The following RNPEP variants were observed in gnomAD, a reference collection of about 807,000 sequenced individuals.
RNPEP encodes the protein aminopeptidase B.
RNPEP carries 57 observed loss-of-function variants against 70.1 expected under a neutral mutation model. The observed-to-expected ratio is 0.81, with a 90% CI of 0.66 to 1.01. The LOEUF (loss-of-function observed/expected upper bound fraction) is 1.01, where lower values mean the gene tolerates loss of function less well. RNPEP is among the 50% of genes least tolerant of loss of function. The probability of loss-of-function intolerance (pLI) is 0.00; values close to 1 mark genes in which losing one functional copy is unlikely to be tolerated. For synonymous variants in RNPEP, 335 were observed against 357.4 expected, an observed-to-expected ratio of 0.94 and a Z score of 0.71; for missense variants, 787 against 852.4, an observed-to-expected ratio of 0.92 and a Z score of 0.96.
intron 10 of RNPEP, 89 bp downstream of exon 10, chr1:202,004,585 G>A: frequency 6.7e-7 from 1 of 1,497,416 alleles, no homozygotes; most frequent in Non-Finnish European, 9.1e-7. Flanking sequence ...GGCTCATCTA[G>A]GACTCATCTG....
chr1:201,995,235 G>C (rs1018495331), intron 3 of RNPEP, among the ~76,000 whole-genome samples: 1 of 152,122 alleles, frequency 6.6e-6, no homozygotes, highest in Non-Finnish European at 1.5e-5. Flanking sequence ...CATCTACTTT[G>C]TCATATTAGT....
intron 5 of RNPEP, among the ~76,000 whole-genome samples, chr1:201,999,232 AT>A (rs1247083011): frequency 2.0e-5 from 3 of 151,516 alleles, no homozygotes; most frequent in Non-Finnish European, 2.9e-5. Flanking sequence ...AAAAAAAAAA[AT>A]CAAATCATTT....
chr1:201,985,301 G>A (rs12091788), intron 1 of RNPEP, among the ~76,000 whole-genome samples: 83,837 of 151,812 alleles, frequency 0.55, 23,492 homozygotes, highest in Non-Finnish European at 0.6. Flanking sequence ...TGGTATAGTG[G>A]CACCATCTCA....
intron 3 of RNPEP, among the ~76,000 whole-genome samples, chr1:201,993,990 G>A (rs919223018): frequency 6.7e-6 from 1 of 149,866 alleles, no homozygotes; most frequent in Non-Finnish European, 1.5e-5. Context: ...TAGTAAGAGA[G>A]GCCATTCGCC....
In RNPEP at chr1:202,005,651, G is replaced by T. The variant is rs148685424; in HGVS notation, c.1888G>T (p.Ala630Ser). ...CGCCAAGGAGACTTTTGCATCCACC[G>T]CCTCCCAGCTCCACAGCAATGTTGT... is the stretch of plus-strand genomic sequence containing the variant. ...TLAKETFASTASQLHSNVVNY... is the reference protein window; with the variant it reads ...TLAKETFASTSSQLHSNVVNY... The change falls in exon 11 of 11, where the codon GCC (alanine) becomes TCC (serine). Residue 630 changes from alanine to serine, a missense_variant. Transcript: ENST00000295640. 7.9e-5 allele frequency: 127 copies of T among 1,614,076 alleles called. No individual in the cohort carries two copies. The highest frequency in any genetic ancestry group is 1.0e-4 in the Non-Finnish European group (123 of 1,180,026).
Position 201,996,206 on chromosome 1 carries a change from T to C in RNPEP, c.797T>C (p.Val266Ala). Reference protein sequence around the residue: ...IDAAKEEYNGVIEEFLATGEK... With the variant: ...IDAAKEEYNGAIEEFLATGEK... The stretch of plus-strand genomic sequence containing the variant: ...GCTGCCAAGGAGGAGTACAACGGGG[T>C]GATAGAAGAATTTTTGGCAACAGGA... Residue 266 changes from valine to alanine, a missense_variant, in exon 4 of 11, where the codon GTG becomes GCG. Coordinates refer to ENST00000295640, the MANE Select transcript of RNPEP (RefSeq NM_020216.4). The C allele has an allele frequency of 6.2e-7, 1 of 1,613,678 alleles. No individual in the cohort carries two copies. The highest frequency in any genetic ancestry group is 8.5e-7 in the Non-Finnish European group (1 of 1,179,918).
rs1408886243 is a variant in RNPEP at position 202,005,654 on chromosome 1, T to A, written c.1891T>A (p.Ser631Thr). The A allele has an allele frequency of 6.2e-7, 1 of 1,614,152 alleles. No individual in the cohort carries two copies. The highest frequency in any genetic ancestry group is 2.2e-5 in the East Asian group (1 of 44,896). ...CAAGGAGACTTTTGCATCCACCGCC[T>A]CCCAGCTCCACAGCAATGTTGTCAA... ...LAKETFASTA[S>T]QLHSNVVNYV... The change falls in exon 11 of 11, where the codon TCC (serine) becomes ACC (threonine). Residue 631 changes from serine (S) to threonine (T), a missense_variant. Coordinates refer to ENST00000295640, the MANE Select transcript of RNPEP (RefSeq NM_020216.4).
At chr1:201,997,899 G>A (rs1683624507) in intron 5 of RNPEP, among the ~76,000 whole-genome samples, 1 of 151,754 alleles carries the variant, frequency 6.6e-6, no homozygotes, top group Admixed American at 6.6e-5. Flanking sequence ...GAGTAGCTGG[G>A]ATTACAGGCA....
At chr1:201,993,129 A>T (rs1010067818) in intron 3 of RNPEP, among the ~76,000 whole-genome samples, 4 of 152,178 alleles carry the variant, frequency 2.6e-5, no homozygotes, top group African/African-American at 2.4e-5. Flanking sequence ...AGTTATCTTC[A>T]TCTGCTTTTA....
At chr1:201,984,369 A>C (rs1294728236) in intron 1 of RNPEP, among the ~76,000 whole-genome samples, 1 of 152,240 alleles carries the variant, frequency 6.6e-6, no homozygotes, top group Non-Finnish European at 1.5e-5. Flanking sequence ...GATCACAGAT[A>C]GGTGATACAC....
At position 202,005,832 on chromosome 1, in the gene RNPEP, A is replaced by G. The variant is rs1684042766; in HGVS notation, c.*116A>G. On this transcript the variant is annotated 3_prime_UTR_variant, in exon 11 of 11. Coordinates refer to ENST00000295640, the MANE Select transcript of RNPEP (RefSeq NM_020216.4). Reference sequence around the variant, plus strand: ...CTGGAGTTTATATCCCCTCAGGATAATCTATTCTCTAGCTTAGGTATCTGT... The same window carrying G: ...CTGGAGTTTATATCCCCTCAGGATAGTCTATTCTCTAGCTTAGGTATCTGT... 15 of 1,223,316 alleles carry G rather than the reference A, an allele frequency of 1.2e-5. No individual in the cohort carries two copies. The highest frequency in any genetic ancestry group is 1.9e-5 in the Admixed American group (1 of 51,290). The allele number at this position is 1,223,316 out of a possible 1,614,324, so 75.8% of individuals were successfully genotyped here.
intron 1 of RNPEP, 24 bp downstream of exon 1, chr1:201,983,137 C>G (rs745965840): frequency 1.4e-6 from 2 of 1,440,846 alleles, no homozygotes; most frequent in Non-Finnish European, 9.0e-7. Context: ...AGACTGCGCC[C>G]GCCGCTGCCT....
At chr1:201,997,136 G>A (rs1361141055) in intron 4 of RNPEP, among the ~76,000 whole-genome samples, 183 bp from the exon 5 acceptor site, 1 of 151,704 alleles carries the variant, frequency 6.6e-6, no homozygotes, top group Non-Finnish European at 1.5e-5. Context: ...AGCAAGGCAG[G>A]GGAGCCACGT....
intron 4 of RNPEP, 148 bp from the exon 5 acceptor site, chr1:201,997,171 C>T (rs1275087274): frequency 3.1e-6 from 2 of 651,348 alleles, no homozygotes; most frequent in Non-Finnish European, 2.7e-6. Flanking sequence ...GGAGCCTGGG[C>T]TTTATTTTCC....
intron 8 of RNPEP, 39 bp downstream of exon 8, chr1:202,001,806 G>A (rs1002041349): frequency 4.0e-6 from 5 of 1,235,212 alleles, no homozygotes; most frequent in Non-Finnish European, 4.8e-6. Context: ...CTAAAAAATA[G>A]TAGAGAATGA....
At position 201,996,220 on chromosome 1, in the gene RNPEP, T is replaced by C; in HGVS notation, c.811T>C (p.Leu271=). 6.2e-7 allele frequency: 1 copy of C among 1,614,188 alleles called. No individual in the cohort carries two copies. The highest frequency in any genetic ancestry group is 1.3e-5 in the African/African-American group (1 of 75,060). ...EEYNGVIEEF[L]ATGEKLFGPY... ...GTACAACGGGGTGATAGAAGAATTT[T>C]TGGCAACAGGAGAGAAGCTTTTTGG... is the stretch of plus-strand genomic sequence containing the variant. Residue 271 remains leucine (L), a synonymous_variant, in exon 4 of 11, where the codon TTG becomes CTG. Coordinates refer to ENST00000295640, the MANE Select transcript of RNPEP (RefSeq NM_020216.4).
rs1571635312 is a variant in RNPEP, at chr1:201,996,079, C to T, written c.738-68C>T. 2.3e-6 allele frequency: 3 copies of T among 1,291,276 alleles called. No individual in the cohort carries two copies. In the African/African-American group the frequency reaches 4.4e-5, roughly 19 times the overall value. 80.0% of individuals were successfully genotyped at this position (1,291,276 alleles called of 1,614,324 possible). On this transcript the variant is annotated intron_variant, in intron 3 of 10. Coordinates refer to ENST00000295640, the MANE Select transcript of RNPEP (RefSeq NM_020216.4). ...GGCGGAGGCCAATTTCCTACAGGTGCTTTCAGGATCAGGTCACTGCGATGG... is the reference window on the plus strand; with the variant it reads ...GGCGGAGGCCAATTTCCTACAGGTGTTTTCAGGATCAGGTCACTGCGATGG...
Position 201,999,896 on chromosome 1 carries a change from C to G in RNPEP, c.1091-6C>G, listed in dbSNP as rs73074442. On this transcript the variant is annotated splice_region_variant and splice_polypyrimidine_tract_variant and intron_variant, in intron 5 of 10. Transcript: ENST00000295640. ...TTCCCGAGGCTTACGTTTGATTCTG[C>G]ACCAGGCGCTGCGTACACCTGCTTG... 2.3e-3 allele frequency: 3,654 copies of G among 1,610,950 alleles called. 77 individuals are homozygous for G. The African/African-American group carries it at 0.042, about 19-fold the overall frequency.
At chr1:201,990,121 A>C (rs1683273989) in intron 3 of RNPEP, among the ~76,000 whole-genome samples, 1 of 152,220 alleles carries the variant, frequency 6.6e-6, no homozygotes, top group Non-Finnish European at 1.5e-5. Context: ...CTGGGATTAC[A>C]GGCATGAGCC....
Sources: gnomAD v4.1 joint callset for allele counts (sites outside exome capture counted in the v4.1 genomes callset) on GRCh38, gnomAD v4.1.1 for gene constraint, MANE v1.5 for transcripts, NCBI Gene and HGNC (gene_info 2026-07-23, HGNC 2026-07-21) for gene names.